Variants in WARS1 observed in about 807,000 individuals in gnomAD.
WARS1 encodes the protein tryptophan--tRNA ligase, cytoplasmic.
Under a neutral mutation model 47.8 loss-of-function variants are expected in WARS1, and 17 were observed. The observed-to-expected ratio is 0.36, with a 90% CI of 0.24 to 0.53. WARS1 has a LOEUF of 0.53. Ranked by LOEUF, WARS1 falls within the 20% of genes least tolerant of loss-of-function variation. The pLI, the probability that WARS1 is intolerant of heterozygous loss-of-function variation, is 0.91. For missense variants in WARS1, 434 were observed against 608.0 expected, an observed-to-expected ratio of 0.71 and a Z score of 3.01; for synonymous variants, 208 against 228.1, an observed-to-expected ratio of 0.91 and a Z score of 0.79.
Position 100,361,780 on chromosome 14 carries a change from C to T in WARS1, c.241G>A (p.Glu81Lys), listed in dbSNP as rs1895676150. ...SNHGPDATEA[E>K]EDFVDPWTVQ... is the part of the protein sequence containing the mutation. ...GTCCATGGGTCCACAAAATCCTCTT[C>T]AGCTTCTGTGGCATCTGGGCCATGA... Residue 81 changes from glutamate to lysine, a missense_variant, in exon 3 of 11, where the codon GAA becomes AAA. By Grantham distance (56) the Glu-to-Lys change is moderately conservative (BLOSUM62 1). Around this residue, in one of 2 missense-constraint regions of WARS1, gnomAD observed 347 missense variants for 523.8 expected, o/e 0.66. Coordinates refer to ENST00000392882, the MANE Select transcript of WARS1 (RefSeq NM_004184.4). 6.2e-7 allele frequency: 1 copy of T among 1,614,080 alleles called. No homozygotes were observed. The highest frequency in any genetic ancestry group is 8.5e-7 in the Non-Finnish European group (1 of 1,180,042).
At chr14:100,347,499 AT>A (rs1364864974) in intron 6 of WARS1, among the ~76,000 whole-genome samples, 9 of 152,194 alleles carry the variant, frequency 5.9e-5, no homozygotes, top group South Asian at 2.1e-4. Flanking sequence ...TGTGGCATCC[AT>A]TCCACTACCA....
intron 2 of WARS1, among the ~76,000 whole-genome samples, chr14:100,364,947 T>A (rs1311180441): frequency 6.6e-6 from 1 of 152,142 alleles, no homozygotes; most frequent in Non-Finnish European, 1.5e-5. Flanking sequence ...TTTTTGACAT[T>A]ACTTTCTTTC....
intron 4 of WARS1, among the ~76,000 whole-genome samples, chr14:100,354,965 A>C (rs1207263998): frequency 6.6e-6 from 1 of 152,180 alleles, no homozygotes; most frequent in Non-Finnish European, 1.5e-5. Context: ...ATACCAGGCA[A>C]ACTGCATGGG....
chr14:100,348,462 C>T (rs1016907360), intron 6 of WARS1, among the ~76,000 whole-genome samples: 5 of 152,098 alleles, frequency 3.3e-5, no homozygotes, highest in Admixed American at 1.3e-4. Context: ...AGAGGGCGGG[C>T]GCAGTACTGT....
chr14:100,371,490 T>G (rs1359580320), intron 1 of WARS1, among the ~76,000 whole-genome samples: 2 of 116,040 alleles, frequency 1.7e-5, no homozygotes, highest in African/African-American at 5.3e-5. Context: ...TGGTGACTCA[T>G]GCCTGTAATC....
At chr14:100,350,909 G>C (rs1894938747) in intron 6 of WARS1, among the ~76,000 whole-genome samples, 1 of 152,162 alleles carries the variant, frequency 6.6e-6, no homozygotes, top group South Asian at 2.1e-4. Flanking sequence ...TTGGAAGAAA[G>C]TGTAGGAATT....
chr14:100,364,487 C>T (rs915626031), intron 2 of WARS1, among the ~76,000 whole-genome samples: 2 of 152,214 alleles, frequency 1.3e-5, no homozygotes, highest in African/African-American at 2.4e-5. Context: ...GTGGCTCACA[C>T]TATTTTGCTA....
chr14:100,370,132 G>T (rs368482216), intron 1 of WARS1, among the ~76,000 whole-genome samples: 138 of 152,292 alleles, frequency 9.1e-4, no homozygotes, highest in African/African-American at 3.0e-3. Flanking sequence ...TCCACATGAG[G>T]TAAGGACTGT....
At chr14:100,341,126 C>T (rs575074250) in intron 9 of WARS1, among the ~76,000 whole-genome samples, 3 of 152,038 alleles carry the variant, frequency 2.0e-5, no homozygotes, top group Admixed American at 6.6e-5. Flanking sequence ...ATGTTGGCCA[C>T]GCTGGTCTCG....
intron 2 of WARS1, chr14:100,368,394 G>C: frequency 2.2e-6 from 1 of 455,970 alleles, no homozygotes; most frequent in South Asian, 1.5e-5. Context: ...CTGCAATACA[G>C]ATGGGGAGAC....
At chr14:100,335,166 G>T in intron 10 of WARS1, 130 bp from the exon 11 acceptor site, 1 of 787,782 alleles carries the variant, frequency 1.3e-6, no homozygotes, top group Non-Finnish European at 2.0e-6. Flanking sequence ...TCAGAAGTGA[G>T]ATCTGTTGTT....
intron 2 of WARS1, among the ~76,000 whole-genome samples, chr14:100,362,879 A>G (rs1895740804): frequency 6.6e-6 from 1 of 152,348 alleles, no homozygotes; most frequent in African/African-American, 2.4e-5. Flanking sequence ...AGAGATAACT[A>G]TTCCATCAGA....
At chr14:100,372,043 T>C (rs1015806351) in intron 1 of WARS1, among the ~76,000 whole-genome samples, 8 of 152,054 alleles carry the variant, frequency 5.3e-5, no homozygotes, top group Non-Finnish European at 1.2e-4. Context: ...GCTCAAAAGC[T>C]CCCCTGCTGA....
chr14:100,341,879 T>C (rs554667044), intron 9 of WARS1, among the ~76,000 whole-genome samples: 5 of 152,258 alleles, frequency 3.3e-5, no homozygotes, highest in African/African-American at 1.2e-4. Context: ...GTGCTGCTGA[T>C]TCCTGGTGGT....
At chr14:100,344,749 G>A (rs960504131) in intron 7 of WARS1, among the ~76,000 whole-genome samples, 3 of 152,022 alleles carry the variant, frequency 2.0e-5, no homozygotes, top group Admixed American at 6.5e-5. Context: ...CGTCTGGGAT[G>A]TGAGGAGCGC....
intron 4 of WARS1, among the ~76,000 whole-genome samples, chr14:100,357,713 G>A (rs1268256152): frequency 6.6e-6 from 1 of 152,102 alleles, no homozygotes; most frequent in Non-Finnish European, 1.5e-5. Flanking sequence ...CACCCGCCTC[G>A]GCCTCCCAAA....
Position 100,361,851 on chromosome 14 carries a change from T to A in WARS1, c.170A>T (p.Asp57Val), listed in dbSNP as rs752171693. 2.5e-6 allele frequency: 4 copies of A among 1,614,144 alleles called. No individual in the cohort carries two copies. Among genetic ancestry groups the A allele is most frequent in the Non-Finnish European group, 3.4e-6 (4 of 1,180,026 alleles). Reference sequence around the variant, plus strand: ...CCCTGGAGGACAGTCAGCCTTGTAATCCTCCCCCGCGGCAGCTTTGTAGCT... The same window carrying A: ...CCCTGGAGGACAGTCAGCCTTGTAAACCTCCCCCGCGGCAGCTTTGTAGCT... ...KMSYKAAAGE[D>V]YKADCPPGNP... The change falls in exon 3 of 11, where the codon GAT becomes GTT. Residue 57 changes from aspartate to valine, a missense_variant. Transcript: ENST00000392882.
At chr14:100,341,457 T>C (rs1476345577) in intron 9 of WARS1, among the ~76,000 whole-genome samples, 1 of 152,166 alleles carries the variant, frequency 6.6e-6, no homozygotes, top group African/African-American at 2.4e-5. Context: ...CTTGGGACTT[T>C]CCAGAACGGT....
intron 1 of WARS1, among the ~76,000 whole-genome samples, chr14:100,374,476 T>C (rs941927): frequency 0.69 from 105,058 of 152,130 alleles, 37,459 homozygotes; most frequent in Admixed American, 0.81. Flanking sequence ...GTTTCCACTG[T>C]GGTGGAGGAG....
Sources: gnomAD v4.1 joint callset for allele counts (sites outside exome capture counted in the v4.1 genomes callset) on GRCh38, gnomAD v4.1.1 for gene constraint, gnomAD v4.1.1 regional missense constraint, MANE v1.5 for transcripts, NCBI Gene and HGNC (gene_info 2026-07-23, HGNC 2026-07-21) for gene names.